The following TMTC3 variants were observed in gnomAD, a reference collection of about 807,000 sequenced individuals.
The protein encoded by TMTC3 is transmembrane O-mannosyltransferase targeting cadherins 3.
A neutral mutation model predicts 92.2 loss-of-function variants in TMTC3; 52 were observed. The ratio of observed to expected loss-of-function variants is 0.56; its 90% CI spans 0.45 to 0.71. TMTC3 has a LOEUF of 0.71. TMTC3 is among the 30% of genes least tolerant of loss of function. The pLI, the probability that TMTC3 is intolerant of heterozygous loss-of-function variation, is 0.00. For missense variants in TMTC3, 896 were observed against 1,057.1 expected (o/e 0.85, Z 2.11); for synonymous variants, 339 against 363.3 (o/e 0.93, Z 0.76).
rs2041529987 is a variant in TMTC3 at position 88,197,634 on chromosome 12, ATG to A, written c.*1987_*1988del. ...AATTTATATAATTCAAATGATAAAAATGTATCAATGTTATCCAATGATTTTTA... is the reference window on the plus strand; with the variant it reads ...AATTTATATAATTCAAATGATAAAAATATCAATGTTATCCAATGATTTTTA... On this transcript the variant is annotated 3_prime_UTR_variant, in exon 14 of 14. Coordinates refer to ENST00000266712, the MANE Select transcript of TMTC3 (RefSeq NM_181783.4). 1 of 151,950 alleles carries A rather than the reference ATG, an allele frequency of 6.6e-6. No homozygotes were observed. The highest frequency in any genetic ancestry group is 2.4e-5 in the African/African-American group (1 of 41,440). The allele number at this position is 151,950 out of a possible 1,614,324, so 9.4% of individuals were successfully genotyped here.
intron 6 of TMTC3, among the ~76,000 whole-genome samples, chr12:88,164,506 G>T (rs2041120906): frequency 6.6e-6 from 1 of 151,872 alleles, no homozygotes; most frequent in Non-Finnish European, 1.5e-5. Context: ...TGCTCAGTAT[G>T]TTTAAAAAAA....
At chr12:88,174,577 T>C (rs2041239383) in intron 8 of TMTC3, 30 bp from the exon 9 acceptor site, 2 of 1,588,578 alleles carry the variant, frequency 1.3e-6, no homozygotes, top group South Asian at 1.2e-5. Flanking sequence ...AAGACAATTT[T>C]TTTTGTTTTG....
At chr12:88,146,405 T>C (rs2040874098) in intron 1 of TMTC3, among the ~76,000 whole-genome samples, 2 of 152,168 alleles carry the variant, frequency 1.3e-5, no homozygotes, top group Non-Finnish European at 2.9e-5. Flanking sequence ...TGTCCTGAGA[T>C]CATCATTTAA....
chr12:88,195,623 A>C lies in TMTC3; in HGVS notation c.2719A>C (p.Ile907Leu). 6.3e-7 allele frequency: 1 copy of C among 1,591,874 alleles called. No homozygotes were observed. The highest frequency in any genetic ancestry group is 2.2e-5 in the East Asian group (1 of 44,668). The change falls in exon 14 of 14, where the codon ATT becomes CTT. Residue 907 changes from isoleucine to leucine, a missense_variant. Physicochemically the swap from Ile to Leu is conservative, Grantham distance 5. Coordinates refer to ENST00000266712, the MANE Select transcript of TMTC3 (RefSeq NM_181783.4). The part of the protein sequence containing the change: ...RVAALKRLEE[I>L]ERILNGE The stretch of plus-strand genomic sequence containing the variant: ...TGCTGCTTTAAAAAGACTAGAAGAG[A>C]TTGAACGTATTTTAAATGGTGAATA...
At chr12:88,181,908 T>A (rs142555667) in intron 10 of TMTC3, among the ~76,000 whole-genome samples, 2 of 152,012 alleles carry the variant, frequency 1.3e-5, no homozygotes, top group Non-Finnish European at 2.9e-5. Context: ...GGGAGTGAAC[T>A]ACTTGTGTAG....
chr12:88,145,497 T>C (rs189566683), intron 1 of TMTC3, among the ~76,000 whole-genome samples: 1 of 152,316 alleles, frequency 6.6e-6, no homozygotes, highest in East Asian at 1.9e-4. Flanking sequence ...TCAATCAATT[T>C]AGAAGTTTAT....
intron 1 of TMTC3, among the ~76,000 whole-genome samples, chr12:88,144,984 T>C (rs1381673229): frequency 6.6e-6 from 1 of 152,234 alleles, no homozygotes; most frequent in African/African-American, 2.4e-5. Context: ...TGTCTGGACC[T>C]GCCTTCTTTC....
chr12:88,186,038 G>A (rs1045205182), intron 10 of TMTC3, among the ~76,000 whole-genome samples: 58 of 152,134 alleles, frequency 3.8e-4, no homozygotes, highest in African/African-American at 1.3e-3. Context: ...TGATAATTTT[G>A]TGGACAGGAA....
intron 2 of TMTC3, among the ~76,000 whole-genome samples, chr12:88,152,209 T>G (rs181168497): frequency 4.6e-5 from 7 of 152,334 alleles, no homozygotes; most frequent in Admixed American, 3.9e-4. Context: ...CAACAGCGTC[T>G]TCTTGGCTTC....
At position 88,161,857 on chromosome 12, in the gene TMTC3, A is replaced by G. The variant is rs147854253; in HGVS notation, c.797+1006A>G. Among the ~76,000 whole-genome samples the G allele has an allele frequency of 3.5e-3, 527 of 151,492 alleles. 5 individuals are homozygous for G. The highest frequency in any genetic ancestry group is 9.8e-3 in the African/African-American group (407 of 41,464). On this transcript the variant is annotated intron_variant, in intron 6 of 13. Transcript: ENST00000266712. ...TATAAATATATGTAATATACATTTT[A>G]TATATGTAAGAACTTAACTTTTGTG...
Position 88,195,617 on chromosome 12 carries a change from G to T in TMTC3, c.2713G>T (p.Glu905Ter). The change falls in exon 14 of 14, where the codon GAA becomes TAA. Residue 905 changes from glutamate to a stop codon, truncating the protein, a stop_gained. Transcript: ENST00000266712. LOFTEE classifies it high-confidence loss of function. The stretch of plus-strand genomic sequence containing the variant: ...AAGAGTTGCTGCTTTAAAAAGACTA[G>T]AAGAGATTGAACGTATTTTAAATGG... The part of the protein sequence containing the change: ...KKRVAALKRL[E>*]EIERILNGE 6.3e-7 allele frequency: 1 copy of T among 1,596,746 alleles called. No homozygotes were observed. Among genetic ancestry groups the T allele is most frequent in the South Asian group, 1.2e-5 (1 of 86,610 alleles).
intron 9 of TMTC3, among the ~76,000 whole-genome samples, 179 bp from the exon 10 acceptor site, chr12:88,176,029 T>G (rs1273750067): frequency 6.6e-6 from 1 of 152,196 alleles, no homozygotes; most frequent in African/African-American, 2.4e-5. Flanking sequence ...TTTAGTATGT[T>G]GGTGTTCAGG....
At position 88,176,240 on chromosome 12, in the gene TMTC3, T is replaced by TG; in HGVS notation, c.1354dup (p.Val452GlyfsTer8). Reference sequence around the variant, plus strand: ...AAAATAATGCCAAACTTTGGAATAATGTGGGTCATGCTCTGGAAAATGAAA... The same window carrying TG: ...AAAATAATGCCAAACTTTGGAATAATGGTGGGTCATGCTCTGGAAAATGAAA... On this transcript the variant is annotated frameshift_variant, in exon 10 of 14. Coordinates refer to ENST00000266712, the MANE Select transcript of TMTC3 (RefSeq NM_181783.4). LOFTEE classifies it high-confidence loss of function. 6.2e-7 allele frequency: 1 copy of TG among 1,611,780 alleles called. No homozygotes were observed. The highest frequency in any genetic ancestry group is 1.1e-5 in the South Asian group (1 of 90,756).
rs1446259381 is a variant in TMTC3, at chr12:88,195,705, T to G, written c.*56T>G. 9.0e-6 allele frequency: 13 copies of G among 1,445,416 alleles called. No individual in the cohort carries two copies. The highest frequency in any genetic ancestry group is 8.6e-5 in the South Asian group (6 of 69,464). The allele number at this position is 1,445,416 out of a possible 1,614,324, so 89.5% of individuals were successfully genotyped here. A position where few individuals can be genotyped will look rare whatever the true frequency, so the allele number is the denominator to read the frequency against. ...AGAACATCAATCCGTATCATGTGATTGCTTTTACTGGGAGCTTTGAAAAAA... is the reference window on the plus strand; with the variant it reads ...AGAACATCAATCCGTATCATGTGATGGCTTTTACTGGGAGCTTTGAAAAAA... On this transcript the variant is annotated 3_prime_UTR_variant, in exon 14 of 14. Transcript: ENST00000266712.
chr12:88,143,158 CTT>C (rs552936811), intron 1 of TMTC3, among the ~76,000 whole-genome samples: 12 of 140,500 alleles, frequency 8.5e-5, no homozygotes, highest in African/African-American at 7.8e-5. Context: ...AGTGCTTTGT[CTT>C]TTTTTTTTTT....
intron 7 of TMTC3, among the ~76,000 whole-genome samples, chr12:88,167,718 G>A (rs1434448489): frequency 6.6e-6 from 1 of 152,148 alleles, no homozygotes; most frequent in Non-Finnish European, 1.5e-5. Context: ...AGATTGTGTT[G>A]TCTATTATCC....
chr12:88,177,198 C>T (rs2041269021), intron 10 of TMTC3, among the ~76,000 whole-genome samples: 1 of 151,678 alleles, frequency 6.6e-6, no homozygotes, highest in African/African-American at 2.4e-5. Flanking sequence ...TTGTGGTGGG[C>T]GCCTGTAATT....
intron 4 of TMTC3, among the ~76,000 whole-genome samples, chr12:88,158,526 G>A (rs1320520131): frequency 1.3e-5 from 2 of 151,402 alleles, no homozygotes; most frequent in Admixed American, 6.6e-5. Flanking sequence ...ATTATACTTA[G>A]TATCTGCAAT....
Position 88,190,444 on chromosome 12 carries a change from T to G in TMTC3, c.1537-9T>G. On this transcript the variant is annotated splice_polypyrimidine_tract_variant and intron_variant, in intron 11 of 13. Transcript: ENST00000266712. ...ATCAAATCATGAAAATGCCTTTTCT[T>G]CTAAACAGATTATTCCTGGTAAAAA... 6.2e-7 allele frequency: 1 copy of G among 1,612,194 alleles called. No homozygotes were observed. Among genetic ancestry groups the G allele is most frequent in the South Asian group, 1.1e-5 (1 of 90,910 alleles).
Sources: gnomAD v4.1 joint callset for allele counts (sites outside exome capture counted in the v4.1 genomes callset) on GRCh38, gnomAD v4.1.1 for gene constraint, MANE v1.5 for transcripts, NCBI Gene and HGNC (gene_info 2026-07-23, HGNC 2026-07-21) for gene names.